Variants in CTNNA2 observed in about 807,000 individuals in gnomAD.
CTNNA2 encodes the protein catenin alpha 2.
Under a neutral mutation model 101.0 loss-of-function variants are expected in CTNNA2, and 42 were observed. The ratio of observed to expected loss-of-function variants is 0.42; its 90% confidence interval spans 0.32 to 0.54. CTNNA2 has a LOEUF of 0.54. CTNNA2 is among the 20% of genes least tolerant of loss of function. The pLI, the probability that CTNNA2 is intolerant of heterozygous loss-of-function variation, is 0.14. For missense variants in CTNNA2, 871 were observed against 1,223.1 expected (o/e 0.71, Z 4.29); for synonymous variants, 450 against 456.4 (o/e 0.99, Z 0.18).
chr2:79,257,608 C>A (rs1674864945), intron 2 of CTNNA2, among the ~76,000 whole-genome samples: 1 of 151,188 alleles, frequency 6.6e-6, no homozygotes, highest in Non-Finnish European at 1.5e-5. Flanking sequence ...GAAAGTGGAA[C>A]CATACCACTC....
chr2:79,963,360 C>G (rs1168738449), intron 7 of CTNNA2, among the ~76,000 whole-genome samples: 1 of 152,100 alleles, frequency 6.6e-6, no homozygotes, highest in Non-Finnish European at 1.5e-5. Context: ...AAGTCAAGCG[C>G]CACAGTCTAG....
intron 7 of CTNNA2, among the ~76,000 whole-genome samples, chr2:80,228,176 A>G (rs906717547): frequency 2.0e-5 from 3 of 152,206 alleles, no homozygotes; most frequent in Non-Finnish European, 4.4e-5. Flanking sequence ...GCCTAAGTCC[A>G]TTTGGGCTGC....
intron 2 of CTNNA2, among the ~76,000 whole-genome samples, chr2:79,688,169 A>G (rs1273372687): frequency 6.6e-6 from 1 of 152,100 alleles, no homozygotes; most frequent in African/African-American, 2.4e-5. Flanking sequence ...TTTTCTAGAA[A>G]TATGAAGTTT....
At position 80,283,844 on chromosome 2, in the gene CTNNA2, G is replaced by T. The variant is rs192621529; in HGVS notation, c.1057-109367G>T. ...ATGGAAGATGGGAGGGCAAAAGAAG[G>T]GTAAGGAAAGGAAGAGATAAGAAAG... is the stretch of plus-strand genomic sequence containing the variant. On this transcript the variant is annotated intron_variant, in intron 7 of 18. Transcript: ENST00000402739. 1.7e-3 allele frequency among the ~76,000 whole-genome samples: 253 copies of T among 152,134 alleles called. 1 individual carries two copies. Among genetic ancestry groups the T allele is most frequent in the African/African-American group, 5.9e-3 (243 of 41,514 alleles).
At chr2:79,245,286 C>T (rs1359733201) in intron 2 of CTNNA2, among the ~76,000 whole-genome samples, 3 of 152,018 alleles carry the variant, frequency 2.0e-5, no homozygotes, top group Non-Finnish European at 4.4e-5. Context: ...GCCTTCTCTA[C>T]AAGAAATACA....
chr2:79,201,678 C>T (rs542188317), intron 2 of CTNNA2, among the ~76,000 whole-genome samples: 1 of 152,212 alleles, frequency 6.6e-6, no homozygotes, highest in South Asian at 2.1e-4. Context: ...AATTGTCCTA[C>T]TGGTTTGAGC....
intron 7 of CTNNA2, among the ~76,000 whole-genome samples, chr2:80,290,387 A>C (rs1480063733): frequency 6.6e-6 from 1 of 151,854 alleles, no homozygotes; most frequent in Non-Finnish European, 1.5e-5. Context: ...TGACCTTCTC[A>C]TTTCTTCCCC....
rs1407422996 is a variant in CTNNA2, at chr2:79,900,867, T to C, written c.853-8727T>C. ...GTGATGGACACCTCATTTACCCTGA[T>C]GTGATTATTACACATTGTATGCCTG... On this transcript the variant is annotated intron_variant, in intron 6 of 18. Coordinates refer to ENST00000402739, the MANE Select transcript of CTNNA2 (RefSeq NM_001282597.3). 2.0e-5 allele frequency among the ~76,000 whole-genome samples: 3 copies of C among 152,346 alleles called. No homozygotes were observed. In the East Asian group the frequency reaches 5.8e-4, roughly 29 times the overall value.
chr2:79,477,327 C>T (rs968316886), intron 4 of CTNNA2, among the ~76,000 whole-genome samples: 8 of 152,000 alleles, frequency 5.3e-5, no homozygotes, highest in Non-Finnish European at 1.0e-4. Flanking sequence ...CCCGCCACCA[C>T]ACCCTGCTGA....
intron 2 of CTNNA2, among the ~76,000 whole-genome samples, chr2:79,228,224 A>G (rs186166002): frequency 2.1e-3 from 315 of 152,308 alleles, no homozygotes; most frequent in African/African-American, 7.4e-3. Context: ...ATATGGGTGC[A>G]TGGGACTTTA....
intron 2 of CTNNA2, among the ~76,000 whole-genome samples, chr2:79,246,733 G>A (rs1674705665): frequency 6.6e-6 from 1 of 152,212 alleles, no homozygotes; most frequent in South Asian, 2.1e-4. Context: ...ATGATGAATA[G>A]CACTTCTCTT....
intron 18 of CTNNA2, among the ~76,000 whole-genome samples, chr2:80,634,861 C>G (rs1293919953): frequency 6.6e-6 from 1 of 152,012 alleles, no homozygotes; most frequent in Non-Finnish European, 1.5e-5. Context: ...GGGTGTTTAA[C>G]CAAAGCATTG....
At chr2:80,402,358 G>T (rs537786815) in intron 8 of CTNNA2, among the ~76,000 whole-genome samples, 1 of 152,206 alleles carries the variant, frequency 6.6e-6, no homozygotes, top group East Asian at 1.9e-4. Context: ...TTGGCCATTG[G>T]CAATTAACTC....
At chr2:80,370,155 G>A (rs566277882) in intron 7 of CTNNA2, among the ~76,000 whole-genome samples, 8 of 152,248 alleles carry the variant, frequency 5.3e-5, no homozygotes, top group African/African-American at 1.4e-4. Flanking sequence ...ATGGAAGAGT[G>A]TTGGTGAACT....
intron 2 of CTNNA2, among the ~76,000 whole-genome samples, chr2:79,208,239 G>A (rs1348828722): frequency 6.6e-6 from 1 of 152,150 alleles, no homozygotes; most frequent in African/African-American, 2.4e-5. Flanking sequence ...TGTGCATTTA[G>A]TATTTGCAAG....
At chr2:79,252,158 A>C (rs886718636) in intron 2 of CTNNA2, among the ~76,000 whole-genome samples, 1 of 152,190 alleles carries the variant, frequency 6.6e-6, no homozygotes, top group Non-Finnish European at 1.5e-5. Context: ...CATTCAGCTT[A>C]TCAGCTCTGC....
chr2:80,334,843 A>G (rs71426614), intron 7 of CTNNA2, among the ~76,000 whole-genome samples: 12,932 of 152,282 alleles, frequency 0.085, 571 homozygotes, highest in Non-Finnish European at 0.1. Context: ...TTGCAGGGAC[A>G]TGAGATTTTA....
At chr2:80,583,918 C>T (rs188231502) in intron 14 of CTNNA2, among the ~76,000 whole-genome samples, 8 of 152,176 alleles carry the variant, frequency 5.3e-5, no homozygotes, top group Admixed American at 2.0e-4. Flanking sequence ...ACAGAGCACT[C>T]CTACAAATTC....
At chr2:79,963,886 G>C (rs891029079) in intron 7 of CTNNA2, among the ~76,000 whole-genome samples, 1 of 152,160 alleles carries the variant, frequency 6.6e-6, no homozygotes, top group Non-Finnish European at 1.5e-5. Flanking sequence ...TTATCTTTCT[G>C]ACTGATGTCT....
Sources: gnomAD v4.1 joint callset for allele counts (sites outside exome capture counted in the v4.1 genomes callset) on GRCh38, gnomAD v4.1.1 for gene constraint, MANE v1.5 for transcripts, NCBI Gene and HGNC (gene_info 2026-07-23, HGNC 2026-07-21) for gene names.